The following ANK2 variants were observed in gnomAD, a reference collection of about 807,000 sequenced individuals.
ANK2 encodes ankyrin-2.
Under a neutral mutation model 360.5 loss-of-function variants are expected in ANK2, and 83 were observed. That is an observed-to-expected ratio of 0.23 (90% CI 0.19 to 0.28). The LOEUF is 0.28. Among genes scored for constraint, ANK2 ranks in the 10% least tolerant of loss-of-function variants. ANK2 has a pLI of 1.00. For synonymous variants in ANK2, 1,740 were observed against 1,759.5 expected, an observed-to-expected ratio of 0.99 and a Z score of 0.28; for missense variants, 4,201 against 4,795.7, an observed-to-expected ratio of 0.88 and a Z score of 3.66.
intron 2 of ANK2, among the ~76,000 whole-genome samples, chr4:113,041,508 C>A (rs1348418502): frequency 1.3e-5 from 2 of 152,070 alleles, no homozygotes; most frequent in Non-Finnish European, 1.5e-5. Context: ...CAAACATATT[C>A]CCTGAAACTT....
chr4:112,935,099 G>A (rs937216587), intron 2 of ANK2, among the ~76,000 whole-genome samples: 3 of 150,316 alleles, frequency 2.0e-5, no homozygotes, highest in South Asian at 4.2e-4. Flanking sequence ...AGGAGGAAGT[G>A]TAGGAACCGA....
chr4:113,304,495 AT>A (rs1345586514), intron 23 of ANK2, among the ~76,000 whole-genome samples: 1 of 152,194 alleles, frequency 6.6e-6, no homozygotes, highest in African/African-American at 2.4e-5. Context: ...ACTGTTAATG[AT>A]TTTGCAACTA....
At chr4:113,246,858 T>A (rs531842291) in intron 9 of ANK2, among the ~76,000 whole-genome samples, 66 of 152,176 alleles carry the variant, frequency 4.3e-4, no homozygotes, top group Non-Finnish European at 7.9e-4. Context: ...TATTATTTTC[T>A]TGTTGAGAAT....
chr4:112,981,937 G>A (rs960025297), intron 2 of ANK2, among the ~76,000 whole-genome samples: 5 of 151,950 alleles, frequency 3.3e-5, no homozygotes, highest in Non-Finnish European at 1.5e-5. Context: ...GGTATGAAGG[G>A]GTTTCTGTCC....
chr4:113,335,192 C>T (rs1434987310), intron 29 of ANK2, among the ~76,000 whole-genome samples: 1 of 152,088 alleles, frequency 6.6e-6, no homozygotes, highest in Non-Finnish European at 1.5e-5. Context: ...TGATCCCATC[C>T]TCTTGATGTT....
intron 4 of ANK2, among the ~76,000 whole-genome samples, chr4:113,228,431 C>A (rs189399251): frequency 6.6e-6 from 1 of 152,072 alleles, no homozygotes; most frequent in Non-Finnish European, 1.5e-5. Context: ...TGAGAACATA[C>A]GATGTTTAGT....
intron 2 of ANK2, among the ~76,000 whole-genome samples, chr4:112,947,517 A>G (rs771605009): frequency 6.6e-6 from 1 of 152,134 alleles, no homozygotes; most frequent in Non-Finnish European, 1.5e-5. Flanking sequence ...TAATATAGAT[A>G]TATATAATAG....
At chr4:112,927,746 C>T (rs1191258621) in intron 2 of ANK2, among the ~76,000 whole-genome samples, 1 of 152,186 alleles carries the variant, frequency 6.6e-6, no homozygotes, top group Non-Finnish European at 1.5e-5. Flanking sequence ...ACTGGAGAAA[C>T]ATTCCTTGCT....
At chr4:112,734,672 C>A in the ANK2 span, among the ~76,000 whole-genome samples, 3 of 152,162 alleles carry the variant, frequency 2.0e-5, no homozygotes, top group Non-Finnish European at 2.9e-5. Flanking sequence ...CAATTTATAT[C>A]ATTAAATGTT....
chr4:113,227,035 T>A (rs1283440702), intron 4 of ANK2, among the ~76,000 whole-genome samples: 6 of 152,146 alleles, frequency 3.9e-5, no homozygotes, highest in African/African-American at 1.4e-4. Flanking sequence ...GCCAATACAG[T>A]TGTGTTCTTA....
At chr4:113,181,456 TTG>T (rs1396347171) in intron 2 of ANK2, among the ~76,000 whole-genome samples, 1 of 152,160 alleles carries the variant, frequency 6.6e-6, no homozygotes, top group Non-Finnish European at 1.5e-5. Context: ...CAAACATGTA[TTG>T]TGTGTTTACT....
intron 2 of ANK2, among the ~76,000 whole-genome samples, chr4:112,937,648 G>C (rs142658185): frequency 2.4e-3 from 362 of 152,234 alleles, no homozygotes; most frequent in African/African-American, 7.9e-3. Context: ...TTTTGACTTG[G>C]ACATTTTTCG....
rs72673410 is a variant in ANK2, at chr4:113,111,588, A to C, written c.84+61776A>C. Among the ~76,000 whole-genome samples, 1,090 of 152,294 alleles carry C rather than the reference A, an allele frequency of 7.2e-3. 4 individuals are homozygous for C. Among genetic ancestry groups the C allele is most frequent in the Non-Finnish European group, 0.012 (826 of 67,998 alleles). On this transcript the variant is annotated intron_variant, in intron 1 of 45. Coordinates refer to ENST00000357077, the MANE Select transcript of ANK2 (RefSeq NM_001148.6). ...AAAGCTGTTACAAACCAAAAGGGGAAGTTATATGTGTTTTAAAACACGGCA... is the reference window on the plus strand; with the variant it reads ...AAAGCTGTTACAAACCAAAAGGGGACGTTATATGTGTTTTAAAACACGGCA...
intron 1 of ANK2, among the ~76,000 whole-genome samples, chr4:112,877,901 C>G (rs1039527063): frequency 6.6e-6 from 1 of 152,102 alleles, no homozygotes; most frequent in Non-Finnish European, 1.5e-5. Flanking sequence ...TTGCATTAAC[C>G]TAATCTTCCC....
chr4:112,724,095 C>T, the ANK2 span, among the ~76,000 whole-genome samples: 35 of 143,500 alleles, frequency 2.4e-4, no homozygotes, highest in Non-Finnish European at 3.6e-4. Context: ...GACAGAGTGT[C>T]GCTCTGTCAC....
intron 5 of ANK2, among the ~76,000 whole-genome samples, chr4:113,233,384 C>T (rs2099345670): frequency 6.6e-6 from 1 of 151,658 alleles, no homozygotes; most frequent in Non-Finnish European, 1.5e-5. Context: ...ATCCGCCCGC[C>T]TCGGCCTCCC....
At chr4:113,058,885 A>G (rs1392393220) in intron 1 of ANK2, among the ~76,000 whole-genome samples, 20 of 152,326 alleles carry the variant, frequency 1.3e-4, no homozygotes, top group Admixed American at 1.2e-3. Context: ...AAAGTACCTT[A>G]GAGTGAGTAG....
intron 2 of ANK2, among the ~76,000 whole-genome samples, chr4:113,028,293 A>G (rs2059688563): frequency 1.3e-5 from 2 of 152,112 alleles, no homozygotes; most frequent in Admixed American, 1.3e-4. Context: ...AAGGTAGCCA[A>G]ACAAATGTGG....
intron 1 of ANK2, among the ~76,000 whole-genome samples, chr4:112,823,172 A>C (rs368513165): frequency 8.2e-4 from 125 of 152,384 alleles, no homozygotes; most frequent in African/African-American, 2.9e-3. Context: ...GGAAATCTCA[A>C]ATTCAATACA....
Sources: allele counts gnomAD v4.1 joint callset (sites outside exome capture counted in the v4.1 genomes callset), GRCh38; gene constraint gnomAD v4.1.1; transcripts MANE v1.5; gene names NCBI Gene and HGNC (gene_info 2026-07-23, HGNC 2026-07-21).